The following FAM124A variants were observed in gnomAD, a reference collection of about 807,000 sequenced individuals.
FAM124A encodes family with sequence similarity 124 member A.
A neutral mutation model predicts 24.5 loss-of-function variants in FAM124A; 23 were observed. The observed-to-expected ratio is 0.94, with a 90% CI of 0.68 to 1.33. The LOEUF is 1.33. Among genes scored for constraint, FAM124A ranks in the 40% most tolerant of loss-of-function variants. The pLI, the probability that FAM124A is intolerant of heterozygous loss-of-function variation, is 0.00. For missense variants in FAM124A, 623 were observed against 722.8 expected, an observed-to-expected ratio of 0.86 and a Z score of 1.58; for synonymous variants, 287 against 314.7, an observed-to-expected ratio of 0.91 and a Z score of 0.93.
chr13:51,238,492 T>G (rs1367933648), intron 2 of FAM124A, among the ~76,000 whole-genome samples: 3 of 152,236 alleles, frequency 2.0e-5, no homozygotes, highest in African/African-American at 4.8e-5. Flanking sequence ...CCACCTAATA[T>G]CTAGATGAAA....
chr13:51,261,623 GCT>G (rs1468858502), intron 3 of FAM124A, among the ~76,000 whole-genome samples: 1 of 152,128 alleles, frequency 6.6e-6, no homozygotes. Context: ...AATGTTTTCT[GCT>G]CTCATTCTTG....
intron 1 of FAM124A, among the ~76,000 whole-genome samples, chr13:51,223,861 T>G (rs1055576461): frequency 1.3e-5 from 2 of 152,198 alleles, no homozygotes; most frequent in South Asian, 4.1e-4. Context: ...CTGCCATTAG[T>G]TAGCTGGACC....
intron 2 of FAM124A, among the ~76,000 whole-genome samples, chr13:51,243,530 T>TTTTG (rs896220316): frequency 2.0e-5 from 3 of 152,034 alleles, no homozygotes; most frequent in Non-Finnish European, 2.9e-5. Context: ...TGTTGGTTTT[T>TTTTG]TTTGTTTGTT....
intron 3 of FAM124A, among the ~76,000 whole-genome samples, chr13:51,260,202 G>C (rs909420150): frequency 2.0e-5 from 3 of 152,210 alleles, no homozygotes; most frequent in Non-Finnish European, 4.4e-5. Context: ...CTTATGCCAA[G>C]CCTGAGGCCT....
chr13:51,251,628 C>G lies in FAM124A; in HGVS notation c.261C>G (p.Ser87=). Residue 87 remains serine, a synonymous_variant, in exon 3 of 4, where the codon TCC becomes TCG. Transcript: ENST00000322475. The surrounding 1 kb of genome is among the most constrained non-coding windows in gnomAD (Gnocchi z 5.3). ...TCCGGGTGTCCGAGAGGCGGGCGTC[C>G]CGGCGGCGGCGGAAGCCCCCCAAGG... ...PLFRVSERRA[S]RRRRKPPKGA... 1 of 1,560,602 alleles carries G rather than the reference C, an allele frequency of 6.4e-7. No individual in the cohort carries two copies. Among genetic ancestry groups the G allele is most frequent in the Non-Finnish European group, 8.7e-7 (1 of 1,151,010 alleles).
Position 51,252,147 on chromosome 13 carries a change from C to T in FAM124A, c.780C>T (p.Ile260=), listed in dbSNP as rs1330941349. ...VPLLPNPCSP[I]SEGRWQTEDH... The stretch of plus-strand genomic sequence containing the variant: ...TCCTGCCCAACCCTTGCAGCCCCAT[C>T]AGCGAGGGGCGCTGGCAGACGGAGG... Residue 260 remains isoleucine, a synonymous_variant, in exon 3 of 4, where the codon ATC becomes ATT. Coordinates refer to ENST00000322475, the MANE Select transcript of FAM124A (RefSeq NM_001242312.2). The T allele has an allele frequency of 1.9e-6, 3 of 1,613,776 alleles. No individual in the cohort carries two copies. Among genetic ancestry groups the T allele is most frequent in the Middle Eastern group, 1.6e-4 (1 of 6,084 alleles).
At chr13:51,279,171 C>T (rs1377742354) in intron 3 of FAM124A, among the ~76,000 whole-genome samples, 5 of 152,182 alleles carry the variant, frequency 3.3e-5, no homozygotes, top group Non-Finnish European at 5.9e-5. Context: ...AACCTCTGTA[C>T]CCAAGGACTT....
At chr13:51,254,159 C>A (rs1009938247) in intron 3 of FAM124A, among the ~76,000 whole-genome samples, 4 of 152,090 alleles carry the variant, frequency 2.6e-5, no homozygotes, top group Non-Finnish European at 4.4e-5. Flanking sequence ...TAGCAGTGTA[C>A]GTTCCCTGAG....
chr13:51,225,037 G>C (rs1326831608), intron 1 of FAM124A: 2 of 152,140 alleles, frequency 1.3e-5, no homozygotes, highest in Non-Finnish European at 2.9e-5. Flanking sequence ...TCCTTAATTT[G>C]GGGTCCATGA....
intron 1 of FAM124A, among the ~76,000 whole-genome samples, chr13:51,222,847 T>C (rs919691151): frequency 6.6e-6 from 1 of 152,208 alleles, no homozygotes; most frequent in South Asian, 2.1e-4. Context: ...ACCCCTTGTC[T>C]GCATCGCTAG....
chr13:51,225,320 G>C (rs1178199865), intron 1 of FAM124A: 1 of 152,162 alleles, frequency 6.6e-6, no homozygotes, highest in African/African-American at 2.4e-5. Flanking sequence ...CCTAAAAATG[G>C]CAATGGAAGC....
rs1274824808 is a variant in FAM124A at position 51,252,111 on chromosome 13, G to A, written c.744G>A (p.Glu248=). Residue 248 remains glutamate (E), a synonymous_variant, in exon 3 of 4, where the codon GAG becomes GAA. Coordinates refer to ENST00000322475, the MANE Select transcript of FAM124A (RefSeq NM_001242312.2). ...VLEFRVRDIG[E]LVPLLPNPCS... ...AGTTCCGAGTGAGGGACATAGGCGAGCTCGTGCCTCTCCTGCCCAACCCTT... is the reference window on the plus strand; with the variant it reads ...AGTTCCGAGTGAGGGACATAGGCGAACTCGTGCCTCTCCTGCCCAACCCTT... The A allele has an allele frequency of 1.2e-6, 2 of 1,614,062 alleles. No individual in the cohort carries two copies. Among genetic ancestry groups the A allele is most frequent in the South Asian group, 2.2e-5 (2 of 91,072 alleles).
At position 51,254,082 on chromosome 13, in the gene FAM124A, A is replaced by G. The variant is rs1779485237; in HGVS notation, c.834+1881A>G. On this transcript the variant is annotated intron_variant, in intron 3 of 3. Transcript: ENST00000322475. ...AAAATTTGTATTTCAGTCTTCAGCA[A>G]AATTAAGGTAGTTAGGTCTTGGGGG... Among the ~76,000 whole-genome samples the G allele has an allele frequency of 1.3e-5, 2 of 152,198 alleles. 1 individual carries two copies. The highest frequency in any genetic ancestry group is 4.1e-4 in the South Asian group (2 of 4,826).
intron 2 of FAM124A, among the ~76,000 whole-genome samples, chr13:51,233,622 TCTC>T (rs910361092): frequency 1.3e-5 from 2 of 152,116 alleles, no homozygotes; most frequent in African/African-American, 4.8e-5. Flanking sequence ...CTGGCCTGCC[TCTC>T]CTCCCAGCCA....
At chr13:51,279,470 G>A (rs771217057) in intron 3 of FAM124A, among the ~76,000 whole-genome samples, 3 of 152,178 alleles carry the variant, frequency 2.0e-5, no homozygotes, top group African/African-American at 7.2e-5. Context: ...AAGCCAGACC[G>A]ACTGCCCCCA....
At chr13:51,279,155 G>A (rs1210026737) in intron 3 of FAM124A, among the ~76,000 whole-genome samples, 7 of 152,022 alleles carry the variant, frequency 4.6e-5, no homozygotes, top group East Asian at 1.9e-4. Flanking sequence ...CCCCTCCCCC[G>A]GAAACAACCT....
Position 51,252,018 on chromosome 13 carries a change from C to T in FAM124A, c.651C>T (p.Asp217=). The change falls in exon 3 of 4, where the codon GAC becomes GAT. Residue 217 remains aspartate, a synonymous_variant. Transcript: ENST00000322475. The stretch of plus-strand genomic sequence containing the variant: ...CTATTTTTTCCAACCTGGATGTGGA[C>T]ATCCAGTTCTCCCTGAAAAGACTGC... ...IFPIFSNLDV[D]IQFSLKRLPC... is the part of the protein sequence containing the mutation. 1 of 1,614,254 alleles carries T rather than the reference C, an allele frequency of 6.2e-7. No individual in the cohort carries two copies. The highest frequency in any genetic ancestry group is 8.5e-7 in the Non-Finnish European group (1 of 1,180,052).
At chr13:51,245,954 GTACAC>G (rs1402067049) in intron 2 of FAM124A, among the ~76,000 whole-genome samples, 2 of 152,160 alleles carry the variant, frequency 1.3e-5, no homozygotes, top group Admixed American at 6.5e-5. Context: ...CAGGCTAATA[GTACAC>G]TTTCTGCATC....
chr13:51,262,361 A>G (rs951995084), intron 3 of FAM124A, among the ~76,000 whole-genome samples: 10 of 148 alleles, frequency 0.068, no homozygotes, highest in East Asian at 0.42. Flanking sequence ...AAACCAAATT[A>G]CCCCAAAAAA....
Sources: allele counts gnomAD v4.1 joint callset (sites outside exome capture counted in the v4.1 genomes callset), GRCh38; gene constraint gnomAD v4.1.1; non-coding constraint Gnocchi (gnomAD v3.1); transcripts MANE v1.5; gene names NCBI Gene and HGNC (gene_info 2026-07-23, HGNC 2026-07-21).